Variants in SLC22A6 observed in about 807,000 individuals in gnomAD.
The protein encoded by SLC22A6 is PAH transporter.
A neutral mutation model predicts 56.7 loss-of-function variants in SLC22A6; 45 were observed. The observed-to-expected ratio is 0.79, with a 90% CI of 0.63 to 1.02. The LOEUF is 1.02. Ranked by LOEUF, SLC22A6 falls within the 50% of genes least tolerant of loss-of-function variation. The probability of loss-of-function intolerance (pLI) is 0.00; values close to 1 mark genes in which losing one functional copy is unlikely to be tolerated. For missense variants in SLC22A6, 606 were observed against 713.8 expected (o/e 0.85, Z 1.72); for synonymous variants, 291 against 295.9 (o/e 0.98, Z 0.17).
rs766145348 is a variant in SLC22A6 at position 62,983,630 on chromosome 11, C to T, written c.535G>A (p.Ala179Thr). The change falls in exon 3 of 10, where the codon GCA becomes ACA. Residue 179 changes from alanine (A) to threonine (T), a missense_variant. By Grantham distance (58) the Ala-to-Thr change is moderately conservative. Transcript: ENST00000360421. The surrounding 1 kb of genome is among the most constrained non-coding windows in gnomAD (Gnocchi z 4.5). Reference sequence around the variant, plus strand: ...ATGGGGAAGTTGGGTGCGAAGGCTGCGCAGGTCCCTGACACAGCTGTCTGC... The same window carrying T: ...ATGGGGAAGTTGGGTGCGAAGGCTGTGCAGGTCCCTGACACAGCTGTCTGC... ...YLQTAVSGTC[A>T]AFAPNFPIYC... 60 of 1,610,822 alleles carry T rather than the reference C, an allele frequency of 3.7e-5. No homozygotes were observed. The highest frequency in any genetic ancestry group is 1.1e-4 in the African/African-American group (8 of 74,982).
Position 62,977,320 on chromosome 11 carries a change from T to C in SLC22A6, c.1429A>G (p.Met477Val), listed in dbSNP as rs1482451752. The C allele has an allele frequency of 1.9e-6, 3 of 1,608,766 alleles. No individual in the cohort carries two copies. The highest frequency in any genetic ancestry group is 1.7e-5 in the Admixed American group (1 of 59,630). The change falls in exon 9 of 10, where the codon ATG becomes GTG. Residue 477 changes from methionine (M) to valine (V), a missense_variant. Met to Val is a conservative substitution (Grantham distance 21). Coordinates refer to ENST00000360421, the MANE Select transcript of SLC22A6 (RefSeq NM_153276.3). ...VGSIVSPLVS[M>V]TAELYPSMPL... ...ATGGAGGGGTAGAGCTCGGCAGTCA[T>C]GCTCACCAGTGGGCTCACGATGCTG... is the stretch of plus-strand genomic sequence containing the variant.
intron 7 of SLC22A6, 42 bp from the exon 8 acceptor site, chr11:62,979,638 A>T: frequency 6.3e-7 from 1 of 1,589,232 alleles, no homozygotes; most frequent in Non-Finnish European, 8.6e-7. Flanking sequence ...TTGGGAGTGG[A>T]GGCTAGGAGG....
At position 62,983,534 on chromosome 11, in the gene SLC22A6, C is replaced by A. The variant is rs372321351; in HGVS notation, c.628+3G>T. 6 of 1,556,658 alleles carry A rather than the reference C, an allele frequency of 3.9e-6. No homozygotes were observed. Among genetic ancestry groups the A allele is most frequent in the Non-Finnish European group, 5.2e-6 (6 of 1,150,244 alleles). On this transcript the variant is annotated splice_donor_region_variant and intron_variant, in intron 3 of 9. Transcript: ENST00000360421. This position sits in a 1 kb window ranked among gnomAD's most constrained non-coding sequence, Gnocchi z 4.5. Reference sequence around the variant, plus strand: ...GGGGAGTGGGCTGGTAAGAATCTCTCACTCAGTGTCATGCAGTTGAGGGAG... The same window carrying A: ...GGGGAGTGGGCTGGTAAGAATCTCTAACTCAGTGTCATGCAGTTGAGGGAG...
At position 62,983,616 on chromosome 11, in the gene SLC22A6, G is replaced by A. The variant is rs1590679477; in HGVS notation, c.549C>T (p.Pro183=). The A allele has an allele frequency of 6.2e-7, 1 of 1,607,710 alleles. No individual in the cohort carries two copies. Among genetic ancestry groups the A allele is most frequent in the African/African-American group, 1.3e-5 (1 of 74,964 alleles). ...AVSGTCAAFA[P]NFPIYCAFRL... Reference sequence around the variant, plus strand: ...GGAAGGCGCAGTAGATGGGGAAGTTGGGTGCGAAGGCTGCGCAGGTCCCTG... The same window carrying A: ...GGAAGGCGCAGTAGATGGGGAAGTTAGGTGCGAAGGCTGCGCAGGTCCCTG... The change falls in exon 3 of 10, where the codon CCC becomes CCT. Residue 183 remains proline (P), a synonymous_variant. Transcript: ENST00000360421. This position sits in a 1 kb window ranked among gnomAD's most constrained non-coding sequence, Gnocchi z 4.5.
Position 62,981,401 on chromosome 11 carries a change from G to T in SLC22A6, c.798-18C>A. ...TGAAGAACCTGGGAGCGGGGGTGGG[G>T]GTGGGTGTCAGCATGGCTTCAGTTC... On this transcript the variant is annotated intron_variant, in intron 4 of 9. Coordinates refer to ENST00000360421, the MANE Select transcript of SLC22A6 (RefSeq NM_153276.3). 3.4e-6 allele frequency: 5 copies of T among 1,462,140 alleles called. No homozygotes were observed. Among genetic ancestry groups the T allele is most frequent in the South Asian group, 1.3e-5 (1 of 79,780 alleles). The allele number at this position is 1,462,140 out of a possible 1,614,324, so 90.6% of individuals were successfully genotyped here.
Position 62,981,415 on chromosome 11 carries a change from T to C in SLC22A6, c.798-32A>G, listed in dbSNP as rs989825624. On this transcript the variant is annotated intron_variant, in intron 4 of 9. Coordinates refer to ENST00000360421, the MANE Select transcript of SLC22A6 (RefSeq NM_153276.3). Reference sequence around the variant, plus strand: ...GCGGGGGTGGGGGTGGGTGTCAGCATGGCTTCAGTTCCAGTCAGCTGGGTG... The same window carrying C: ...GCGGGGGTGGGGGTGGGTGTCAGCACGGCTTCAGTTCCAGTCAGCTGGGTG... 2.6e-5 allele frequency: 18 copies of C among 695,504 alleles called. No individual in the cohort carries two copies. The African/African-American group carries it at 4.5e-4, about 18-fold the overall frequency. 43.1% of individuals were successfully genotyped at this position (695,504 alleles called of 1,614,324 possible). A position where few individuals can be genotyped will look rare whatever the true frequency, so the allele number is the denominator to read the frequency against.
chr11:62,983,468 G>C lies in SLC22A6; in HGVS notation c.628+69C>G. On this transcript the variant is annotated intron_variant, in intron 3 of 9. Transcript: ENST00000360421. The surrounding 1 kb of genome is among the most constrained non-coding windows in gnomAD (Gnocchi z 4.5). ...GCAGGGCTCAGGAGGGGCAGGCTGG[G>C]AGGGGAGGCTGGAAAGGGGTTGCTG... 6.7e-7 allele frequency: 1 copy of C among 1,503,240 alleles called. No individual in the cohort carries two copies. 93.1% of individuals were successfully genotyped at this position (1,503,240 alleles called of 1,614,324 possible).
At chr11:62,978,536 C>T (rs113049904) in intron 8 of SLC22A6, among the ~76,000 whole-genome samples, 9,430 of 147,556 alleles carry the variant, frequency 0.064, 1,050 homozygotes, top group African/African-American at 0.22. Context: ...TTAGTACAGA[C>T]GGAGTTTCAC....
Position 62,983,911 on chromosome 11 carries a change from C to T in SLC22A6, c.473+33G>A. 1 of 1,512,898 alleles carries T rather than the reference C, an allele frequency of 6.6e-7. No individual in the cohort carries two copies. Among genetic ancestry groups the T allele is most frequent in the Non-Finnish European group, 9.1e-7 (1 of 1,095,980 alleles). 93.7% of individuals were successfully genotyped at this position (1,512,898 alleles called of 1,614,324 possible). Reference sequence around the variant, plus strand: ...CCCAGCTGAGCCCCTAATCCCAGCCCAGCCCAGCCCCTTGACCCTACCCAG... The same window carrying T: ...CCCAGCTGAGCCCCTAATCCCAGCCTAGCCCAGCCCCTTGACCCTACCCAG... On this transcript the variant is annotated intron_variant, in intron 2 of 9. Coordinates refer to ENST00000360421, the MANE Select transcript of SLC22A6 (RefSeq NM_153276.3). This position sits in a 1 kb window ranked among gnomAD's most constrained non-coding sequence, Gnocchi z 4.5.
Position 62,982,028 on chromosome 11 carries a change from A to G in SLC22A6, c.629-18T>C, listed in dbSNP as rs1282970802. Reference sequence around the variant, plus strand: ...CTCCACATCTGGAAAGAGGGTTAAGACAGGATGCTGCAACTACCTGGGCTG... The same window carrying G: ...CTCCACATCTGGAAAGAGGGTTAAGGCAGGATGCTGCAACTACCTGGGCTG... On this transcript the variant is annotated intron_variant, in intron 3 of 9. Transcript: ENST00000360421. 6.2e-7 allele frequency: 1 copy of G among 1,608,504 alleles called. No homozygotes were observed. The highest frequency in any genetic ancestry group is 2.2e-5 in the East Asian group (1 of 44,806).
At chr11:62,979,989 G>A (rs745970035) in intron 6 of SLC22A6, 41 bp from the exon 7 acceptor site, 1 of 1,460,346 alleles carries the variant, frequency 6.8e-7, no homozygotes, top group South Asian at 1.1e-5. Flanking sequence ...TGTTAGGAAG[G>A]CTTAAAGTGG....
intron 7 of SLC22A6, 59 bp from the exon 8 acceptor site, chr11:62,979,655 C>T (rs991611487): frequency 6.3e-7 from 1 of 1,584,180 alleles, no homozygotes; most frequent in Non-Finnish European, 8.7e-7. Flanking sequence ...GAGGAATTGG[C>T]CCCCTCCCTT....
At chr11:62,979,370 G>A (rs562812531) in intron 8 of SLC22A6, 118 bp downstream of exon 8, 89 of 722,688 alleles carry the variant, frequency 1.2e-4, no homozygotes, top group Middle Eastern at 3.7e-4. Context: ...AATGATGAGT[G>A]TTGGGAGGGG....
At chr11:62,984,087 G>A (rs780363183) in intron 1 of SLC22A6, 40 bp from the exon 2 acceptor site, 3 of 1,427,614 alleles carry the variant, frequency 2.1e-6, no homozygotes, top group Non-Finnish European at 2.9e-6. Context: ...AGATGAGCCT[G>A]GCTTCAGAGA....
Position 62,983,404 on chromosome 11 carries a change from T to C in SLC22A6, c.628+133A>G, listed in dbSNP as rs2086277386. 1.1e-6 allele frequency: 1 copy of C among 896,662 alleles called. No individual in the cohort carries two copies. Among genetic ancestry groups the C allele is most frequent in the Non-Finnish European group, 1.7e-6 (1 of 586,810 alleles). 55.5% of individuals were successfully genotyped at this position (896,662 alleles called of 1,614,324 possible). ...ATGAGCCTGAGAAAAGGTTGTTCTA[T>C]TGGCAGGAAGGTGAGACCCGAGAGA... On this transcript the variant is annotated intron_variant, in intron 3 of 9. Coordinates refer to ENST00000360421, the MANE Select transcript of SLC22A6 (RefSeq NM_153276.3). This position sits in a 1 kb window ranked among gnomAD's most constrained non-coding sequence, Gnocchi z 4.5.
intron 9 of SLC22A6, 84 bp downstream of exon 9, chr11:62,977,100 A>G: frequency 6.2e-7 from 1 of 1,607,656 alleles, no homozygotes; most frequent in Non-Finnish European, 8.5e-7. Context: ...TAGAAGAGGA[A>G]GCCTGGGCTT....
In SLC22A6 at chr11:62,983,666, A is replaced by G; in HGVS notation, c.499T>C (p.Leu167=). 6.2e-7 allele frequency: 1 copy of G among 1,612,116 alleles called. No individual in the cohort carries two copies. Among genetic ancestry groups the G allele is most frequent in the Non-Finnish European group, 8.5e-7 (1 of 1,179,318 alleles). Residue 167 remains leucine (L), a synonymous_variant, in exon 3 of 10, where the codon TTG becomes CTG. Coordinates refer to ENST00000360421, the MANE Select transcript of SLC22A6 (RefSeq NM_153276.3). This position sits in a 1 kb window ranked among gnomAD's most constrained non-coding sequence, Gnocchi z 4.5. ...GACACAGCTGTCTGCAGGTAGTTCA[A>G]GATGAGTACCTTCCGGCGGCCTAGC... ...DRLGRRKVLI[L]NYLQTAVSGT...
At chr11:62,977,865 G>C (rs1329777237) in intron 8 of SLC22A6, among the ~76,000 whole-genome samples, 1 of 152,164 alleles carries the variant, frequency 6.6e-6, no homozygotes, top group Non-Finnish European at 1.5e-5. Flanking sequence ...TACACCTATT[G>C]GATTAGAATC....
chr11:62,984,249 C>T (rs2086290371), intron 1 of SLC22A6, 73 bp downstream of exon 1: 1 of 1,382,342 alleles, frequency 7.2e-7, no homozygotes, highest in Non-Finnish European at 9.8e-7. Context: ...TCTCCATGTA[C>T]TTTTTTTTTT....
Sources: gnomAD v4.1 joint callset for allele counts (sites outside exome capture counted in the v4.1 genomes callset) on GRCh38, gnomAD v4.1.1 for gene constraint, Gnocchi (gnomAD v3.1) non-coding constraint, MANE v1.5 for transcripts, NCBI Gene and HGNC (gene_info 2026-07-23, HGNC 2026-07-21) for gene names.